UMAD1: variants seen among roughly 807,000 people sequenced by gnomAD.
UMAD1 encodes the protein UBAP1-MVB12-associated (UMA) domain containing 1, also known as UBAP1-MVB12-associated (UMA)-domain containing protein 1.
UMAD1 carries 8 observed loss-of-function variants against 6.1 expected under a neutral mutation model. That is an observed-to-expected ratio of 1.30 (90% confidence interval 0.76 to 2.35). UMAD1 has a LOEUF of 2.35. Among genes scored for constraint, UMAD1 ranks in the 30% most tolerant of loss-of-function variants. UMAD1 has a pLI of 0.00. For missense variants in UMAD1, 130 were observed against 78.4 expected, an observed-to-expected ratio of 1.66 and a Z score of -2.49; for synonymous variants, 56 against 31.4, an observed-to-expected ratio of 1.78 and a Z score of -2.61.
intron 2 of UMAD1, among the ~76,000 whole-genome samples, chr7:7,734,886 A>T (rs1184060787): frequency 2.6e-5 from 4 of 152,178 alleles, no homozygotes; most frequent in African/African-American, 7.2e-5. Context: ...AATTTCCTGC[A>T]ATGCTCAGGA....
At chr7:7,684,367 A>G (rs1779987598) in intron 2 of UMAD1, among the ~76,000 whole-genome samples, 1 of 151,012 alleles carries the variant, frequency 6.6e-6, no homozygotes, top group Non-Finnish European at 1.5e-5. Context: ...ATTCCCGGCT[A>G]ATTTTTTTTT....
chr7:7,746,041 G>A (rs571582710), intron 2 of UMAD1, among the ~76,000 whole-genome samples: 1 of 152,140 alleles, frequency 6.6e-6, no homozygotes, highest in Non-Finnish European at 1.5e-5. Context: ...CAGCCAATTG[G>A]TGCCTTTCTG....
intron 3 of UMAD1, among the ~76,000 whole-genome samples, chr7:7,857,273 C>T (rs367589666): frequency 6.6e-6 from 1 of 152,190 alleles, no homozygotes; most frequent in South Asian, 2.1e-4. Flanking sequence ...TATTCAGTCC[C>T]GGAAATGTTC....
intron 2 of UMAD1, among the ~76,000 whole-genome samples, chr7:7,703,720 G>A (rs181435794): frequency 2.8e-4 from 42 of 152,150 alleles, no homozygotes; most frequent in African/African-American, 8.9e-4. Context: ...CTGGCAGATC[G>A]CTTGAGCCCA....
intron 2 of UMAD1, among the ~76,000 whole-genome samples, chr7:7,693,641 A>G (rs1436714247): frequency 1.3e-5 from 2 of 152,136 alleles, no homozygotes; most frequent in African/African-American, 4.8e-5. Context: ...GTTTATTTAA[A>G]TTCTATAACT....
chr7:7,731,156 G>A (rs568830969), intron 2 of UMAD1, among the ~76,000 whole-genome samples: 4 of 152,080 alleles, frequency 2.6e-5, no homozygotes, highest in Admixed American at 2.0e-4. Flanking sequence ...GTGCCACCAC[G>A]CCCAGCTAAT....
intron 2 of UMAD1, among the ~76,000 whole-genome samples, chr7:7,760,672 A>C (rs1209391368): frequency 3.3e-5 from 5 of 152,136 alleles, no homozygotes; most frequent in Non-Finnish European, 5.9e-5. Flanking sequence ...ATGAACAAAG[A>C]TAGCAAGGCA....
rs901874331 is a variant in UMAD1, at chr7:7,830,242, G to A, written c.156+28499G>A. On this transcript the variant is annotated intron_variant, in intron 3 of 3. Transcript: ENST00000682710. This position sits in a 1 kb window ranked among gnomAD's most constrained non-coding sequence, Gnocchi z 5.3. Reference sequence around the variant, plus strand: ...TCAACTTGCCATTTCCTAAACATGCGTTGTAATCACACGGCTCTCTGTCTG... The same window carrying A: ...TCAACTTGCCATTTCCTAAACATGCATTGTAATCACACGGCTCTCTGTCTG... Among the ~76,000 whole-genome samples, 2 of 152,052 alleles carry A rather than the reference G, an allele frequency of 1.3e-5. No homozygotes were observed. Among genetic ancestry groups the A allele is most frequent in the African/African-American group, 4.8e-5 (2 of 41,400 alleles).
intron 3 of UMAD1, among the ~76,000 whole-genome samples, chr7:7,814,129 A>G (rs34452282): frequency 0.25 from 38,250 of 151,932 alleles, 5,742 homozygotes; most frequent in East Asian, 0.4. Flanking sequence ...GACTACAGGC[A>G]CCCAACACCA....
chr7:7,760,696 C>A (rs1427617336), intron 2 of UMAD1, among the ~76,000 whole-genome samples: 1 of 151,970 alleles, frequency 6.6e-6, no homozygotes, highest in Non-Finnish European at 1.5e-5. Context: ...AAGGACAGGA[C>A]ATATGTAAGG....
chr7:7,791,213 A>G (rs1209971655), intron 2 of UMAD1, among the ~76,000 whole-genome samples: 4 of 152,258 alleles, frequency 2.6e-5, no homozygotes, highest in South Asian at 4.1e-4. Flanking sequence ...TTCTATTTAC[A>G]TATTTAGGCT....
At chr7:7,833,264 C>T (rs1279194919) in intron 3 of UMAD1, among the ~76,000 whole-genome samples, 2 of 152,110 alleles carry the variant, frequency 1.3e-5, no homozygotes, top group Admixed American at 1.3e-4. Flanking sequence ...AGAACAGATA[C>T]ACTCAGCAAC....
intron 3 of UMAD1, among the ~76,000 whole-genome samples, chr7:7,845,548 T>C (rs1377210744): frequency 6.6e-6 from 1 of 152,110 alleles, no homozygotes; most frequent in Non-Finnish European, 1.5e-5. Flanking sequence ...CTCTGACACT[T>C]TTATTATAAG....
intron 2 of UMAD1, among the ~76,000 whole-genome samples, chr7:7,733,540 G>A (rs78042706): frequency 0.082 from 12,126 of 148,390 alleles, 572 homozygotes; most frequent in African/African-American, 0.13. Flanking sequence ...CATGAAATGA[G>A]TGATACACAG....
intron 2 of UMAD1, among the ~76,000 whole-genome samples, chr7:7,778,287 A>AGC (rs1782266948): frequency 6.6e-6 from 1 of 151,118 alleles, no homozygotes; most frequent in Non-Finnish European, 1.5e-5. Context: ...AGAGAGAGAG[A>AGC]GAGAGAGAGA....
At chr7:7,716,401 C>T (rs891862127) in intron 2 of UMAD1, among the ~76,000 whole-genome samples, 2 of 152,172 alleles carry the variant, frequency 1.3e-5, no homozygotes, top group African/African-American at 4.8e-5. Context: ...TAAAAAGCAG[C>T]CCCCAAATCA....
At chr7:7,836,577 A>G (rs916713156) in intron 3 of UMAD1, among the ~76,000 whole-genome samples, 1 of 152,032 alleles carries the variant, frequency 6.6e-6, no homozygotes, top group Non-Finnish European at 1.5e-5. Context: ...AGATATTGGT[A>G]TATCTCATAT....
chr7:7,808,917 G>C (rs1438862762), intron 3 of UMAD1, among the ~76,000 whole-genome samples: 1 of 151,890 alleles, frequency 6.6e-6, no homozygotes, highest in East Asian at 1.9e-4. Context: ...TTATCAGCTG[G>C]TGGTATTGAG....
chr7:7,739,300 C>T (rs1195142870), intron 2 of UMAD1, among the ~76,000 whole-genome samples: 1 of 152,200 alleles, frequency 6.6e-6, no homozygotes, highest in Non-Finnish European at 1.5e-5. Context: ...ACTGTCATTA[C>T]CTTGCCTGGT....
Sources: gnomAD v4.1 joint callset for allele counts (sites outside exome capture counted in the v4.1 genomes callset) on GRCh38, gnomAD v4.1.1 for gene constraint, Gnocchi (gnomAD v3.1) non-coding constraint, MANE v1.5 for transcripts, NCBI Gene and HGNC (gene_info 2026-07-23, HGNC 2026-07-21) for gene names.